Variants in PHACTR1 observed in about 807,000 individuals in gnomAD.
PHACTR1 encodes RPEL repeat containing 1.
A neutral mutation model predicts 69.2 loss-of-function variants in PHACTR1; 16 were observed. The observed-to-expected ratio is 0.23, with a 90% CI of 0.16 to 0.35. PHACTR1 has a LOEUF of 0.35. PHACTR1 is among the 10% of genes least tolerant of loss of function. The pLI is 1.00. For synonymous variants in PHACTR1, 312 were observed against 284.5 expected, an observed-to-expected ratio of 1.10 and a Z score of -0.97; for missense variants, 510 against 734.7, an observed-to-expected ratio of 0.69 and a Z score of 3.54.
At chr6:12,975,411 A>G (rs536704167) in intron 4 of PHACTR1, among the ~76,000 whole-genome samples, 1 of 152,318 alleles carries the variant, frequency 6.6e-6, no homozygotes, top group South Asian at 2.1e-4. Flanking sequence ...AATACTCTTA[A>G]AACTTCACTC....
At chr6:12,848,473 A>ATGT (rs1230586283) in intron 4 of PHACTR1, among the ~76,000 whole-genome samples, 1 of 152,226 alleles carries the variant, frequency 6.6e-6, no homozygotes. Context: ...ATTTCTATTA[A>ATGT]AAATCTAATG....
At chr6:12,754,128 ATT>A (rs34841058) in intron 4 of PHACTR1, among the ~76,000 whole-genome samples, 23 of 112,394 alleles carry the variant, frequency 2.0e-4, no homozygotes, top group African/African-American at 4.1e-4. Flanking sequence ...ACGCCTGGCT[ATT>A]TTTTTTTTTT....
chr6:13,071,885 G>C (rs1358214585), intron 5 of PHACTR1, among the ~76,000 whole-genome samples: 1 of 152,178 alleles, frequency 6.6e-6, no homozygotes, highest in Non-Finnish European at 1.5e-5. Context: ...CAATGCTGTA[G>C]TTTGAGCCTC....
intron 4 of PHACTR1, among the ~76,000 whole-genome samples, chr6:13,041,379 C>CACACACACACAG (rs1242254847): frequency 6.7e-6 from 1 of 150,204 alleles, no homozygotes; most frequent in Non-Finnish European, 1.5e-5. Flanking sequence ...CACACACACA[C>CACACACACACAG]AGAAGAGAAG....
chr6:12,943,668 C>G (rs974160328), intron 4 of PHACTR1, among the ~76,000 whole-genome samples: 1 of 152,160 alleles, frequency 6.6e-6, no homozygotes, highest in Non-Finnish European at 1.5e-5. Flanking sequence ...TTAAAATGCA[C>G]GTGTCCTTCT....
At chr6:13,186,174 C>T (rs182906187) in intron 7 of PHACTR1, among the ~76,000 whole-genome samples, 7 of 152,264 alleles carry the variant, frequency 4.6e-5, no homozygotes, top group African/African-American at 1.4e-4. Context: ...TGTTCGATGT[C>T]CAAAAATTGA....
chr6:13,087,091 C>T lies in PHACTR1; in HGVS notation c.415+33562C>T, dbSNP rs1812439955. On this transcript the variant is annotated intron_variant, in intron 5 of 14. Transcript: ENST00000332995. ...TGACCATTTTTTAAACTGAACTGTT[C>T]ATTTTCTTATTGAGTTTTCAGACTG... Among the ~76,000 whole-genome samples, 3 of 148,698 alleles carry T rather than the reference C, an allele frequency of 2.0e-5. No individual in the cohort carries two copies. The Admixed American group carries it at 2.0e-4, about 10-fold the overall frequency.
intron 6 of PHACTR1, among the ~76,000 whole-genome samples, chr6:13,178,008 C>T (rs1761627132): frequency 6.6e-6 from 1 of 152,188 alleles, no homozygotes; most frequent in Non-Finnish European, 1.5e-5. Context: ...ATCTTTGTTT[C>T]TTATGCTTCA....
At chr6:12,834,175 T>A (rs1476034489) in intron 4 of PHACTR1, among the ~76,000 whole-genome samples, 3 of 152,192 alleles carry the variant, frequency 2.0e-5, no homozygotes. Flanking sequence ...CTTTACTTAT[T>A]CTTTCCATTG....
At chr6:12,953,162 A>T (rs1791489686) in intron 4 of PHACTR1, among the ~76,000 whole-genome samples, 1 of 152,132 alleles carries the variant, frequency 6.6e-6, no homozygotes, top group African/African-American at 2.4e-5. Context: ...GTCTCTACAA[A>T]AAACATAAAA....
chr6:13,259,886 C>T (rs750493923), intron 10 of PHACTR1, among the ~76,000 whole-genome samples: 13 of 152,110 alleles, frequency 8.5e-5, no homozygotes, highest in Non-Finnish European at 1.5e-4. Context: ...GCTGGGCGTG[C>T]GGATCAATAG....
chr6:12,967,891 T>G (rs1167225204), intron 4 of PHACTR1, among the ~76,000 whole-genome samples: 1 of 152,246 alleles, frequency 6.6e-6, no homozygotes, highest in Non-Finnish European at 1.5e-5. Context: ...AAAGCTTTTA[T>G]GAGCCATTTG....
intron 3 of PHACTR1, among the ~76,000 whole-genome samples, chr6:12,737,216 C>T (rs1039456429): frequency 3.3e-5 from 5 of 152,066 alleles, no homozygotes; most frequent in Admixed American, 2.6e-4. Context: ...TTGCACAGCA[C>T]GTTTTTGTAT....
At position 13,283,367 on chromosome 6, in the gene PHACTR1, A is replaced by T; in HGVS notation, c.1510-55A>T. 1 of 1,597,664 alleles carries T rather than the reference A, an allele frequency of 6.3e-7. No homozygotes were observed. The highest frequency in any genetic ancestry group is 8.5e-7 in the Non-Finnish European group (1 of 1,171,284). ...ACCTGCAAGTTCACAGACAGGACCA[A>T]GTGCCATGGTCAACCCTTCTGGCTG... On this transcript the variant is annotated intron_variant, in intron 12 of 14. Transcript: ENST00000332995. This position sits in a 1 kb window ranked among gnomAD's most constrained non-coding sequence, Gnocchi z 4.7.
intron 5 of PHACTR1, among the ~76,000 whole-genome samples, chr6:13,057,817 C>T (rs1043331766): frequency 3.3e-5 from 5 of 152,196 alleles, no homozygotes; most frequent in African/African-American, 1.2e-4. Flanking sequence ...GAATGCTACT[C>T]TTACATCCTT....
intron 8 of PHACTR1, among the ~76,000 whole-genome samples, chr6:13,223,530 CGTT>C: frequency 6.6e-6 from 1 of 152,242 alleles, no homozygotes; most frequent in African/African-American, 2.4e-5. Context: ...TTTTTACACA[CGTT>C]GTTGACAAGG....
In PHACTR1 at chr6:13,268,182, G is replaced by C. The variant is rs149554714; in HGVS notation, c.1392-4678G>C. 2.0e-5 allele frequency among the ~76,000 whole-genome samples: 3 copies of C among 152,266 alleles called. No individual in the cohort carries two copies. In the East Asian group the frequency reaches 5.8e-4, roughly 29 times the overall value. Reference sequence around the variant, plus strand: ...CTCGGGAAGCTGAGGCAGGAGAATCGCTTGAACCTGGGAGGTGGAGGTTGC... The same window carrying C: ...CTCGGGAAGCTGAGGCAGGAGAATCCCTTGAACCTGGGAGGTGGAGGTTGC... On this transcript the variant is annotated intron_variant, in intron 10 of 14. Transcript: ENST00000332995.
chr6:12,888,263 C>T (rs1339246270), intron 4 of PHACTR1, among the ~76,000 whole-genome samples: 1 of 152,052 alleles, frequency 6.6e-6, no homozygotes, highest in Non-Finnish European at 1.5e-5. Context: ...TTTGCTCCTT[C>T]TACGACATGA....
intron 4 of PHACTR1, among the ~76,000 whole-genome samples, chr6:12,933,325 C>A (rs905694288): frequency 1.3e-5 from 2 of 151,980 alleles, no homozygotes; most frequent in Non-Finnish European, 2.9e-5. Context: ...CTTTAAATGT[C>A]CTACAAATAA....
Sources: allele counts gnomAD v4.1 joint callset (sites outside exome capture counted in the v4.1 genomes callset), GRCh38; gene constraint gnomAD v4.1.1; non-coding constraint Gnocchi (gnomAD v3.1); transcripts MANE v1.5; gene names NCBI Gene and HGNC (gene_info 2026-07-23, HGNC 2026-07-21).